ANKRD26: variants seen among roughly 807,000 people sequenced by gnomAD.
ANKRD26 encodes the protein ankyrin repeat domain 26, also known as ankyrin repeat domain-containing protein 26.
ANKRD26 carries 141 observed loss-of-function variants against 208.7 expected under a neutral mutation model. The observed-to-expected ratio is 0.68, with a 90% CI of 0.59 to 0.78. The LOEUF (loss-of-function observed/expected upper bound fraction) is 0.78. ANKRD26 is among the 30% of genes least tolerant of loss of function. The probability of loss-of-function intolerance (pLI) is 0.00; values close to 1 mark genes in which losing one functional copy is unlikely to be tolerated. For missense variants in ANKRD26, 1,889 were observed against 1,938.7 expected (o/e 0.97, Z 0.48); for synonymous variants, 636 against 660.4 (o/e 0.96, Z 0.57).
At chr10:27,091,079 G>C (rs2056284411) in intron 4 of ANKRD26, among the ~76,000 whole-genome samples, 1 of 151,652 alleles carries the variant, frequency 6.6e-6, no homozygotes. Context: ...CCGTGACAGA[G>C]CCAGACCCTG....
chr10:27,001,289 T>G (rs563863405), downstream of ANKRD26, among the ~76,000 whole-genome samples: 2 of 151,832 alleles, frequency 1.3e-5, no homozygotes, highest in Admixed American at 6.6e-5. Context: ...AGCGTGGGAG[T>G]GAAGCAGCAT....
chr10:26,985,099 C>T (rs1359484235), intron 3 of ANKRD26, among the ~76,000 whole-genome samples: 8 of 152,166 alleles, frequency 5.3e-5, no homozygotes, highest in South Asian at 4.1e-4. Context: ...TGGGAAGACA[C>T]GTAGATAGTT....
chr10:26,969,149 C>T (rs1196626987), downstream of ANKRD26, among the ~76,000 whole-genome samples: 5 of 152,070 alleles, frequency 3.3e-5, no homozygotes, highest in Non-Finnish European at 7.4e-5. Context: ...TACACTGATC[C>T]ACTAGGGTCA....
intron 26 of ANKRD26, 132 bp downstream of exon 26, chr10:27,029,154 T>G (rs1032522834): frequency 2.1e-5 from 25 of 1,186,346 alleles, no homozygotes; most frequent in African/African-American, 4.6e-5. Flanking sequence ...ATTTCAAAAT[T>G]GCTTAATGCT....
At chr10:27,071,469 C>T (rs1355551820) in intron 9 of ANKRD26, among the ~76,000 whole-genome samples, 2 of 151,826 alleles carry the variant, frequency 1.3e-5, no homozygotes, top group Admixed American at 6.6e-5. Context: ...CCACCACACC[C>T]GGCCGGGACT....
chr10:26,972,193 C>T (rs1184454729), downstream of ANKRD26, among the ~76,000 whole-genome samples: 1 of 150,862 alleles, frequency 6.6e-6, no homozygotes, highest in South Asian at 2.1e-4. Flanking sequence ...CGAGATCGTG[C>T]CACTGCACTC....
intron 30 of ANKRD26, 78 bp from the exon 31 acceptor site, chr10:27,014,789 G>A (rs1019580857): frequency 2.5e-6 from 3 of 1,221,550 alleles, no homozygotes; most frequent in African/African-American, 1.5e-5. Flanking sequence ...GTGTCTAAGG[G>A]CTGTTTTGTT....
rs751725155 is a variant in ANKRD26, at chr10:27,028,865, A to G, written c.3959T>C (p.Leu1320Ser). The G allele has an allele frequency of 6.2e-7, 1 of 1,613,104 alleles. No individual in the cohort carries two copies. Among genetic ancestry groups the G allele is most frequent in the South Asian group, 1.1e-5 (1 of 90,980 alleles). ...TGGCTGACTTACCAAATTTGCATTTAACAGGTTTTTCTGAAGCTCCTCAAT... is the reference window on the plus strand; with the variant it reads ...TGGCTGACTTACCAAATTTGCATTTGACAGGTTTTTCTGAAGCTCCTCAAT... The part of the protein sequence containing the change: ...DKIEELQKNL[L>S]NANLSEDEKE... The change falls in exon 27 of 34, where the codon TTA becomes TCA. Residue 1320 changes from leucine to serine, a missense_variant. By Grantham distance (145) the Leu-to-Ser change is moderately radical. Transcript: ENST00000376087.
the ANKRD26 span, among the ~76,000 whole-genome samples, chr10:26,968,678 T>C: frequency 1.3e-5 from 2 of 152,240 alleles, no homozygotes; most frequent in African/African-American, 4.8e-5. Flanking sequence ...ACGTGGAGGC[T>C]GACTTTGATG....
chr10:26,977,770 C>T (rs1160897266), intron 5 of ANKRD26, among the ~76,000 whole-genome samples: 2 of 152,178 alleles, frequency 1.3e-5, no homozygotes, highest in Admixed American at 1.3e-4. Context: ...TTTCCAGCTG[C>T]CTGCAGAAGG....
chr10:26,979,779 A>G (rs1473431177), intron 5 of ANKRD26, among the ~76,000 whole-genome samples: 1 of 152,168 alleles, frequency 6.6e-6, no homozygotes, highest in Non-Finnish European at 1.5e-5. Flanking sequence ...TTCCACCTAA[A>G]GCAGTCCTGT....
chr10:27,043,281 A>G, intron 20 of ANKRD26, 145 bp downstream of exon 20: 1 of 857,904 alleles, frequency 1.2e-6, no homozygotes, highest in South Asian at 1.5e-5. Context: ...TATCATATAA[A>G]GAACTCTTCA....
At chr10:26,966,130 G>A in the ANKRD26 span, among the ~76,000 whole-genome samples, 1 of 152,270 alleles carries the variant, frequency 6.6e-6, no homozygotes, top group African/African-American at 2.4e-5. Flanking sequence ...TCCCCTTTCT[G>A]GGTATATATC....
At chr10:27,041,371 A>G (rs1290914216) in intron 20 of ANKRD26, among the ~76,000 whole-genome samples, 3 of 152,068 alleles carry the variant, frequency 2.0e-5, no homozygotes, top group Non-Finnish European at 4.4e-5. Flanking sequence ...AAGGAGAGGA[A>G]ATCCTGCCTG....
intron 18 of ANKRD26, chr10:27,046,105 A>G: frequency 2.2e-6 from 1 of 445,556 alleles, no homozygotes; most frequent in Non-Finnish European, 4.0e-6. Context: ...GTTACCACCC[A>G]TTTACCTATT....
intron 1 of ANKRD26, among the ~76,000 whole-genome samples, chr10:27,094,722 C>T (rs1244586299): frequency 6.6e-6 from 1 of 152,194 alleles, no homozygotes; most frequent in African/African-American, 2.4e-5. Context: ...AGCGATAAGG[C>T]CAGGCATGGC....
rs771336411 is a variant in ANKRD26 at position 27,093,487 on chromosome 10, A to G, written c.393T>C (p.Ile131=). ...VQCQEEKCAT[I]LLEHGADPNL... is the part of the protein sequence containing the mutation. Reference sequence around the variant, plus strand: ...TTGGATCAGCACCATGTTCTAGCAGAATAGTTGCACATTTCTCTTCCTGGC... The same window carrying G: ...TTGGATCAGCACCATGTTCTAGCAGGATAGTTGCACATTTCTCTTCCTGGC... The change falls in exon 3 of 34, where the codon ATT becomes ATC. Residue 131 remains isoleucine, a synonymous_variant. Transcript: ENST00000376087. 3.1e-6 allele frequency: 5 copies of G among 1,614,232 alleles called. No homozygotes were observed. The highest frequency in any genetic ancestry group is 4.2e-6 in the Non-Finnish European group (5 of 1,180,040).
chr10:27,093,795 C>T lies in ANKRD26; in HGVS notation c.247G>A (p.Ala83Thr). The T allele has an allele frequency of 3.1e-6, 5 of 1,613,022 alleles. No individual in the cohort carries two copies. In the East Asian group the frequency reaches 8.9e-5, roughly 29 times the overall value. ...LNDRDKMNRTALHLACANGHP... is the reference protein window; with the variant it reads ...LNDRDKMNRTTLHLACANGHP... ...CCATTGGCACAGGCCAAATGTAGAGCCGTCCTATGAGAGTGACAGGACTTT... is the reference window on the plus strand; with the variant it reads ...CCATTGGCACAGGCCAAATGTAGAGTCGTCCTATGAGAGTGACAGGACTTT... Residue 83 changes from alanine (A) to threonine (T), a missense_variant, in exon 2 of 34, where the codon GCT becomes ACT. Ala to Thr is a moderately conservative substitution (Grantham distance 58, BLOSUM62 0). Coordinates refer to ENST00000376087, the MANE Select transcript of ANKRD26 (RefSeq NM_014915.3).
Position 27,081,958 on chromosome 10 carries a change from G to A in ANKRD26, c.740+845C>T, listed in dbSNP as rs148188116. On this transcript the variant is annotated intron_variant, in intron 6 of 33. Coordinates refer to ENST00000376087, the MANE Select transcript of ANKRD26 (RefSeq NM_014915.3). Reference sequence around the variant, plus strand: ...TCACCGTGTTAGCCAGGCTGGTCTCGATCTCCTGACTTTGTGATATGCCCA... The same window carrying A: ...TCACCGTGTTAGCCAGGCTGGTCTCAATCTCCTGACTTTGTGATATGCCCA... 9.3e-5 allele frequency among the ~76,000 whole-genome samples: 14 copies of A among 150,254 alleles called. No homozygotes were observed. In the East Asian group the frequency reaches 2.2e-3, roughly 23 times the overall value.
Sources: allele counts gnomAD v4.1 joint callset (sites outside exome capture counted in the v4.1 genomes callset), GRCh38; gene constraint gnomAD v4.1.1; transcripts MANE v1.5; gene names NCBI Gene and HGNC (gene_info 2026-07-23, HGNC 2026-07-21).